Variants in KCNIP1 observed in about 807,000 individuals in gnomAD.
KCNIP1 encodes potassium voltage-gated channel interacting protein 1, also known as A-type potassium channel modulatory protein KCNIP1.
KCNIP1 carries 18 observed loss-of-function variants against 33.0 expected under a neutral mutation model. That is an observed-to-expected ratio of 0.55 (90% CI 0.38 to 0.81). KCNIP1 has a LOEUF of 0.81. KCNIP1 is among the 30% of genes least tolerant of loss of function. The pLI, the probability that KCNIP1 is intolerant of heterozygous loss-of-function variation, is 0.00. For synonymous variants in KCNIP1, 93 were observed against 98.3 expected (o/e 0.95, Z 0.32); for missense variants, 238 against 271.6 (o/e 0.88, Z 0.87).
At chr5:170,446,902 G>A (rs1756129737) in intron 1 of KCNIP1, among the ~76,000 whole-genome samples, 1 of 152,194 alleles carries the variant, frequency 6.6e-6, no homozygotes, top group Non-Finnish European at 1.5e-5. Flanking sequence ...CCTGCTCCAG[G>A]TCCTGACTGA....
intron 1 of KCNIP1, chr5:170,713,030 C>T (rs567032476): frequency 1.4e-6 from 1 of 719,536 alleles, no homozygotes; most frequent in Non-Finnish European, 2.5e-6. Context: ...TATATAGAAA[C>T]AGTTGGAAAT....
intron 1 of KCNIP1, among the ~76,000 whole-genome samples, chr5:170,686,137 G>A (rs1338594942): frequency 6.6e-6 from 1 of 152,068 alleles, no homozygotes; most frequent in Non-Finnish European, 1.5e-5. Flanking sequence ...ACTGACATAA[G>A]GAGGATCACC....
intron 1 of KCNIP1, among the ~76,000 whole-genome samples, chr5:170,688,909 T>G (rs1762629346): frequency 7.6e-6 from 1 of 132,206 alleles, no homozygotes; most frequent in Non-Finnish European, 1.6e-5. Flanking sequence ...TCTCCAGGGC[T>G]AACCAGTTAG....
chr5:170,388,260 G>C (rs1303950261), intron 1 of KCNIP1, among the ~76,000 whole-genome samples: 1 of 152,230 alleles, frequency 6.6e-6, no homozygotes, highest in African/African-American at 2.4e-5. Context: ...TGAGTTTATA[G>C]AGTCATGATA....
chr5:170,668,312 A>G lies in KCNIP1; in HGVS notation c.62-50446A>G, dbSNP rs573763764. 4.6e-5 allele frequency among the ~76,000 whole-genome samples: 7 copies of G among 152,318 alleles called. No individual in the cohort carries two copies. In the South Asian group the frequency reaches 1.4e-3, roughly 32 times the overall value. ...TCTATGGGCAAGAATCATTTTCTTC[A>G]GCATCCTGACCTCTCCTAAAATGTT... On this transcript the variant is annotated intron_variant, in intron 1 of 7. Coordinates refer to ENST00000328939, the MANE Select transcript of KCNIP1 (RefSeq NM_014592.4).
At chr5:170,619,983 C>T (rs1759539727) in intron 1 of KCNIP1, among the ~76,000 whole-genome samples, 1 of 152,122 alleles carries the variant, frequency 6.6e-6, no homozygotes, top group African/African-American at 2.4e-5. Flanking sequence ...TCAGAAGATG[C>T]CAAGAGCAAG....
chr5:170,585,801 C>G (rs1038013112), intron 1 of KCNIP1, among the ~76,000 whole-genome samples: 2 of 152,218 alleles, frequency 1.3e-5, no homozygotes, highest in Non-Finnish European at 2.9e-5. Context: ...GGAACCCAGT[C>G]GCAGGGCCAC....
intron 1 of KCNIP1, among the ~76,000 whole-genome samples, chr5:170,443,565 C>T (rs1353614054): frequency 6.6e-6 from 1 of 152,230 alleles, no homozygotes; most frequent in African/African-American, 2.4e-5. Flanking sequence ...CACACAAAGG[C>T]ACAGGATTCT....
At position 170,611,851 on chromosome 5, in the gene KCNIP1, C is replaced by T. The variant is rs114518308; in HGVS notation, c.62-106907C>T. 7.6e-3 allele frequency among the ~76,000 whole-genome samples: 1,159 copies of T among 152,336 alleles called. 6 individuals are homozygous for T. The highest frequency in any genetic ancestry group is 0.027 in the African/African-American group (1,108 of 41,572). ...AGAAGGGAGAATCGCTACTGAATGA[C>T]AGTCTACCACACCTATTGTGCAAAG... On this transcript the variant is annotated intron_variant, in intron 1 of 7. Coordinates refer to ENST00000328939, the MANE Select transcript of KCNIP1 (RefSeq NM_014592.4).
At chr5:170,359,224 G>A (rs1763436210) in intron 1 of KCNIP1, among the ~76,000 whole-genome samples, 1 of 152,154 alleles carries the variant, frequency 6.6e-6, no homozygotes, top group Admixed American at 6.5e-5. Flanking sequence ...CTCCCCCATG[G>A]CTCTCCCTTC....
chr5:170,731,146 T>C (rs1764179973), intron 5 of KCNIP1, among the ~76,000 whole-genome samples: 2 of 152,070 alleles, frequency 1.3e-5, no homozygotes, highest in South Asian at 4.1e-4. Context: ...AGATACTAAA[T>C]CAGTAAGGAA....
At position 170,722,762 on chromosome 5, in the gene KCNIP1, A is replaced by C. The variant is rs1275933785; in HGVS notation, c.377A>C (p.Lys126Thr). The stretch of plus-strand genomic sequence containing the variant: ...TTATTGAGAGGAACTGTCCACGAGA[A>C]ACTAAGGTGGACATTTAATTTGTAT... ...SILLRGTVHE[K>T]LRWTFNLYDI... The change falls in exon 5 of 8, where the codon AAA becomes ACA. Residue 126 changes from lysine to threonine, a missense_variant. Coordinates refer to ENST00000328939, the MANE Select transcript of KCNIP1 (RefSeq NM_014592.4). 3 of 1,614,122 alleles carry C rather than the reference A, an allele frequency of 1.9e-6. No homozygotes were observed. The Admixed American group carries it at 5.0e-5, about 27-fold the overall frequency.
chr5:170,587,765 T>C (rs1758054704), intron 1 of KCNIP1, among the ~76,000 whole-genome samples: 1 of 152,232 alleles, frequency 6.6e-6, no homozygotes, highest in South Asian at 2.1e-4. Context: ...AATCTCTTCA[T>C]CTCAAAATCC....
chr5:170,380,792 G>A (rs1431691242), intron 1 of KCNIP1, among the ~76,000 whole-genome samples: 1 of 152,200 alleles, frequency 6.6e-6, no homozygotes, highest in Non-Finnish European at 1.5e-5. Context: ...ATAGCAGTGT[G>A]GCTATGGAGT....
chr5:170,456,305 G>A (rs7705891), intron 1 of KCNIP1, among the ~76,000 whole-genome samples: 22,808 of 151,800 alleles, frequency 0.15, 1,803 homozygotes, highest in East Asian at 0.27. Flanking sequence ...ACCGGGGCCT[G>A]TCGGAGGGTG....
At chr5:170,627,830 C>A (rs558751781) in intron 1 of KCNIP1, among the ~76,000 whole-genome samples, 9 of 152,230 alleles carry the variant, frequency 5.9e-5, no homozygotes, top group Non-Finnish European at 8.8e-5. Context: ...AGGGACAGGG[C>A]TGAAGAGGAG....
chr5:170,696,147 T>G (rs542405630), intron 1 of KCNIP1, among the ~76,000 whole-genome samples: 3 of 152,262 alleles, frequency 2.0e-5, no homozygotes, highest in African/African-American at 7.2e-5. Flanking sequence ...AGACTCTCCT[T>G]CCTTCCTAAC....
At chr5:170,465,985 GA>G (rs1337036151) in intron 1 of KCNIP1, among the ~76,000 whole-genome samples, 1 of 152,196 alleles carries the variant, frequency 6.6e-6, no homozygotes, top group Non-Finnish European at 1.5e-5. Context: ...ATGTGGTTTG[GA>G]AGACAAGTGA....
intron 1 of KCNIP1, 42 bp from the exon 2 acceptor site, chr5:170,718,716 T>C: frequency 6.2e-7 from 1 of 1,611,756 alleles, no homozygotes; most frequent in South Asian, 1.1e-5. Context: ...CAAGAATGAC[T>C]CCCAAGCTCA....
Sources: gnomAD v4.1 joint callset for allele counts (sites outside exome capture counted in the v4.1 genomes callset) on GRCh38, gnomAD v4.1.1 for gene constraint, MANE v1.5 for transcripts, NCBI Gene and HGNC (gene_info 2026-07-23, HGNC 2026-07-21) for gene names.